Variants in CCDC178 observed in about 807,000 individuals in gnomAD.
CCDC178 encodes the protein coiled-coil domain-containing protein 178.
Under a neutral mutation model 117.4 loss-of-function variants are expected in CCDC178, and 126 were observed. The observed-to-expected ratio is 1.07, with a 90% CI of 0.93 to 1.24. The LOEUF (loss-of-function observed/expected upper bound fraction) is 1.24, where lower values mean the gene tolerates loss of function less well. Ranked by LOEUF, CCDC178 falls within the 50% of genes most tolerant of loss-of-function variation. CCDC178 has a pLI of 0.00. For synonymous variants in CCDC178, 283 were observed against 313.4 expected, an observed-to-expected ratio of 0.90 and a Z score of 1.02; for missense variants, 1,030 against 986.9, an observed-to-expected ratio of 1.04 and a Z score of -0.59.
chr18:33,261,981 C>T lies in CCDC178; in HGVS notation c.1409+4935G>A, dbSNP rs189918686. On this transcript the variant is annotated intron_variant, in intron 14 of 22. Coordinates refer to ENST00000383096, the MANE Select transcript of CCDC178 (RefSeq NM_001105528.4). ...ATAATTTTCTAATGAATGAGGTTTT[C>T]TCTTATATTTTCTAAGTAGACATTC... Among the ~76,000 whole-genome samples, 3 of 152,120 alleles carry T rather than the reference C, an allele frequency of 2.0e-5. No homozygotes were observed. The East Asian group carries it at 5.8e-4, about 29-fold the overall frequency.
chr18:33,179,083 A>ATATATATATATATATATATATATAAAC (rs2058699701), intron 20 of CCDC178, among the ~76,000 whole-genome samples: 7 of 82,268 alleles, frequency 8.5e-5, no homozygotes, highest in Non-Finnish European at 1.6e-4. Flanking sequence ...AAAAAAATAT[A>ATATATATATATATATATATATATAAAC]TATATATATA....
intron 21 of CCDC178, among the ~76,000 whole-genome samples, chr18:33,086,453 T>C (rs568505510): frequency 3.1e-4 from 47 of 149,278 alleles, no homozygotes; most frequent in Non-Finnish European, 4.9e-4. Context: ...CACATATATA[T>C]ATATAGCGAG....
At chr18:33,314,907 C>G (rs1424463702) in intron 11 of CCDC178, among the ~76,000 whole-genome samples, 2 of 152,158 alleles carry the variant, frequency 1.3e-5, no homozygotes, top group Admixed American at 6.5e-5. Flanking sequence ...ATCTAAGATT[C>G]CTGCTCAAAA....
intron 14 of CCDC178, among the ~76,000 whole-genome samples, chr18:33,251,421 G>A (rs2059617740): frequency 6.6e-6 from 1 of 151,612 alleles, no homozygotes; most frequent in Admixed American, 6.6e-5. Context: ...TCAGAAAAGT[G>A]GAATTGTCTA....
chr18:33,397,015 T>G (rs934340614), intron 4 of CCDC178, 134 bp downstream of exon 4: 1 of 618,640 alleles, frequency 1.6e-6, no homozygotes, highest in African/African-American at 1.9e-5. Flanking sequence ...GTTACGATTA[T>G]TCTCATTGAT....
intron 21 of CCDC178, among the ~76,000 whole-genome samples, chr18:33,005,120 A>C (rs2055721086): frequency 6.6e-6 from 1 of 152,090 alleles, no homozygotes; most frequent in Non-Finnish European, 1.5e-5. Context: ...CTAGATATAT[A>C]CCCGAAAGAA....
intron 12 of CCDC178, among the ~76,000 whole-genome samples, chr18:33,288,478 T>A (rs1568119140): frequency 6.9e-6 from 1 of 144,038 alleles, no homozygotes; most frequent in East Asian, 2.1e-4. Context: ...TCCTTCCCTT[T>A]CTTCCTTCCA....
In CCDC178 at chr18:33,215,545, CTTACT is replaced by C; in HGVS notation, c.2078_2078+4del. 7.7e-7 allele frequency: 1 copy of C among 1,298,482 alleles called. No individual in the cohort carries two copies. Among genetic ancestry groups the C allele is most frequent in the Non-Finnish European group, 1.0e-6 (1 of 970,668 alleles). 80.4% of individuals were successfully genotyped at this position (1,298,482 alleles called of 1,614,324 possible). A position where few individuals can be genotyped will look rare whatever the true frequency, so the allele number is the denominator to read the frequency against. On this transcript the variant is annotated splice_donor_variant and splice_donor_region_variant and coding_sequence_variant and intron_variant, in exon 19 of 23. Coordinates refer to ENST00000383096, the MANE Select transcript of CCDC178 (RefSeq NM_001105528.4). LOFTEE classifies it high-confidence loss of function. The stretch of plus-strand genomic sequence containing the variant: ...TTCATATTTTGATAAAGTTTAAGTA[CTTACT>C]TTAATATTTCAAGTGTCTGATCAAA...
intron 22 of CCDC178, among the ~76,000 whole-genome samples, chr18:32,971,852 C>T (rs2054932749): frequency 6.6e-6 from 1 of 151,998 alleles, no homozygotes; most frequent in African/African-American, 2.4e-5. Context: ...TATCCTTTGC[C>T]GACATTTTCA....
chr18:33,053,578 C>T (rs8095775), intron 21 of CCDC178, among the ~76,000 whole-genome samples: 19,468 of 152,102 alleles, frequency 0.13, 1,783 homozygotes, highest in African/African-American at 0.26. Context: ...AATAATTCAA[C>T]ATTGTAAATT....
chr18:33,319,550 T>C (rs1394050648), intron 11 of CCDC178, among the ~76,000 whole-genome samples: 2 of 152,210 alleles, frequency 1.3e-5, no homozygotes, highest in Admixed American at 1.3e-4. Context: ...CCTTTAGGTA[T>C]ATACCCAGTA....
intron 21 of CCDC178, among the ~76,000 whole-genome samples, chr18:32,980,978 A>G (rs1164519750): frequency 2.0e-5 from 3 of 152,178 alleles, no homozygotes; most frequent in Non-Finnish European, 4.4e-5. Flanking sequence ...AAATTTGGAA[A>G]CAATCTAATT....
intron 20 of CCDC178, among the ~76,000 whole-genome samples, chr18:33,210,480 A>G (rs2052468556): frequency 2.0e-5 from 3 of 152,044 alleles, no homozygotes; most frequent in Admixed American, 1.3e-4. Context: ...TTGCCATTTC[A>G]CTAATTATTA....
intron 12 of CCDC178, among the ~76,000 whole-genome samples, chr18:33,268,124 T>G (rs920640241): frequency 2.0e-5 from 3 of 151,622 alleles, no homozygotes; most frequent in African/African-American, 7.3e-5. Flanking sequence ...CAAAATGGAG[T>G]AGTCTTTTTT....
chr18:33,330,832 G>T (rs1326003189), intron 10 of CCDC178, among the ~76,000 whole-genome samples: 1 of 151,960 alleles, frequency 6.6e-6, no homozygotes, highest in Non-Finnish European at 1.5e-5. Context: ...ATTGCACAAG[G>T]CCTACCCACA....
intron 22 of CCDC178, among the ~76,000 whole-genome samples, chr18:32,954,991 T>C (rs921158223): frequency 3.3e-5 from 5 of 152,170 alleles, no homozygotes; most frequent in African/African-American, 1.2e-4. Context: ...CCAGTGACAT[T>C]ACATCATTTC....
chr18:33,086,131 A>G (rs1327759198), intron 21 of CCDC178, among the ~76,000 whole-genome samples: 2 of 151,952 alleles, frequency 1.3e-5, no homozygotes, highest in South Asian at 4.1e-4. Flanking sequence ...TTTTTTAAAC[A>G]TAGGTTTTAA....
chr18:33,231,051 A>C (rs2059362287), intron 15 of CCDC178, among the ~76,000 whole-genome samples: 1 of 152,220 alleles, frequency 6.6e-6, no homozygotes, highest in Non-Finnish European at 1.5e-5. Context: ...ATAGCCATGT[A>C]TTCTTAAATA....
intron 21 of CCDC178, among the ~76,000 whole-genome samples, chr18:33,014,665 T>A (rs1323481515): frequency 1.3e-5 from 2 of 151,888 alleles, no homozygotes; most frequent in African/African-American, 4.8e-5. Context: ...ACACACAGAG[T>A]CCACTGACAA....
Sources: gnomAD v4.1 joint callset for allele counts (sites outside exome capture counted in the v4.1 genomes callset) on GRCh38, gnomAD v4.1.1 for gene constraint, MANE v1.5 for transcripts, NCBI Gene and HGNC (gene_info 2026-07-23, HGNC 2026-07-21) for gene names.